Variants in FAM78B observed in about 807,000 individuals in gnomAD.
FAM78B encodes the protein protein FAM78B.
Under a neutral mutation model 20.0 loss-of-function variants are expected in FAM78B, and 10 were observed. That is an observed-to-expected ratio of 0.50 (90% CI 0.31 to 0.85). The LOEUF (loss-of-function observed/expected upper bound fraction) is 0.85, where lower values mean the gene tolerates loss of function less well. Among genes scored for constraint, FAM78B ranks in the 40% least tolerant of loss-of-function variants. The pLI is 0.05. For missense variants in FAM78B, 283 were observed against 345.0 expected (o/e 0.82, Z 1.42); for synonymous variants, 135 against 132.8 (o/e 1.02, Z -0.12).
At chr1:166,141,207 T>C (rs769133167) in intron 1 of FAM78B, among the ~76,000 whole-genome samples, 6 of 152,200 alleles carry the variant, frequency 3.9e-5, no homozygotes, top group Non-Finnish European at 7.3e-5. Context: ...GACAGCAATG[T>C]GCAACGTACA....
At chr1:166,145,922 G>C (rs1557916736) in intron 1 of FAM78B, among the ~76,000 whole-genome samples, 2 of 152,144 alleles carry the variant, frequency 1.3e-5, no homozygotes, top group South Asian at 2.1e-4. Context: ...TAAGTTATTG[G>C]TCTAAAATTC....
chr1:166,117,484 AGCT>A (rs1253626471), intron 1 of FAM78B, among the ~76,000 whole-genome samples: 2 of 152,156 alleles, frequency 1.3e-5, no homozygotes, highest in African/African-American at 4.8e-5. Context: ...CATCAGCAGA[AGCT>A]GCTATTTCTC....
At chr1:166,081,835 A>C (rs1254003771) in intron 1 of FAM78B, among the ~76,000 whole-genome samples, 2 of 152,178 alleles carry the variant, frequency 1.3e-5, no homozygotes, top group African/African-American at 4.8e-5. Flanking sequence ...ATGAGGGGGA[A>C]TCGATGTGGG....
chr1:166,126,126 GC>G (rs766634380), intron 1 of FAM78B, among the ~76,000 whole-genome samples: 19 of 152,246 alleles, frequency 1.2e-4, no homozygotes, highest in Non-Finnish European at 2.4e-4. Flanking sequence ...GAGCCACTGT[GC>G]CCGGCCTATT....
At chr1:166,122,830 T>C (rs536305011) in intron 1 of FAM78B, among the ~76,000 whole-genome samples, 1 of 152,342 alleles carries the variant, frequency 6.6e-6, no homozygotes, top group South Asian at 2.1e-4. Flanking sequence ...TCTTTGGCCA[T>C]TTCCACCTTC....
At chr1:166,124,887 C>A (rs1251999840) in intron 1 of FAM78B, among the ~76,000 whole-genome samples, 1 of 152,220 alleles carries the variant, frequency 6.6e-6, no homozygotes, top group Non-Finnish European at 1.5e-5. Context: ...TGCATCCTGG[C>A]AGACCTGGTG....
chr1:166,131,734 T>G (rs771089186), intron 1 of FAM78B, among the ~76,000 whole-genome samples: 1 of 152,018 alleles, frequency 6.6e-6, no homozygotes, highest in Admixed American at 6.6e-5. Context: ...TAGAAGAAAA[T>G]AGTAAACATA....
At chr1:166,093,779 A>G (rs982723486) in intron 1 of FAM78B, among the ~76,000 whole-genome samples, 2 of 152,028 alleles carry the variant, frequency 1.3e-5, no homozygotes, top group African/African-American at 4.8e-5. Context: ...AAAGCAATAA[A>G]ATTCGCAGTT....
chr1:166,076,647 A>G (rs1046169795), intron 1 of FAM78B, among the ~76,000 whole-genome samples: 1 of 152,118 alleles, frequency 6.6e-6, no homozygotes, highest in African/African-American at 2.4e-5. Context: ...TAAGGCAAGG[A>G]TTTTTATATA....
At chr1:166,143,091 T>G (rs756243934) in intron 1 of FAM78B, among the ~76,000 whole-genome samples, 1 of 152,222 alleles carries the variant, frequency 6.6e-6, no homozygotes, top group Non-Finnish European at 1.5e-5. Context: ...ATGTCTCAAT[T>G]TCCTCATCTT....
At chr1:166,129,083 C>T (rs1237299601) in intron 1 of FAM78B, among the ~76,000 whole-genome samples, 1 of 152,164 alleles carries the variant, frequency 6.6e-6, no homozygotes, top group African/African-American at 2.4e-5. Flanking sequence ...CTGCTCACAT[C>T]CTCAAGAGTC....
At chr1:166,118,445 T>C (rs1654341504) in intron 1 of FAM78B, among the ~76,000 whole-genome samples, 1 of 152,166 alleles carries the variant, frequency 6.6e-6, no homozygotes. Flanking sequence ...CACTAATAGG[T>C]TTTGTCTTCA....
chr1:166,145,933 T>G (rs1655436474), intron 1 of FAM78B, among the ~76,000 whole-genome samples: 1 of 152,214 alleles, frequency 6.6e-6, no homozygotes, highest in African/African-American at 2.4e-5. Flanking sequence ...TCTAAAATTC[T>G]CTTTTTTTTA....
intron 1 of FAM78B, among the ~76,000 whole-genome samples, chr1:166,113,950 A>G (rs939749589): frequency 1.9e-4 from 29 of 152,352 alleles, no homozygotes; most frequent in African/African-American, 6.7e-4. Context: ...CACAGGTCAA[A>G]AGAAAGCAGC....
At chr1:166,157,415 C>G (rs1252023191) in intron 1 of FAM78B, among the ~76,000 whole-genome samples, 1 of 151,130 alleles carries the variant, frequency 6.6e-6, no homozygotes, top group Non-Finnish European at 1.5e-5. Context: ...AAGGGACCTG[C>G]CAAAGGTCAT....
At chr1:166,072,410 G>A (rs6658683) in intron 1 of FAM78B, among the ~76,000 whole-genome samples, 4,400 of 152,290 alleles carry the variant, frequency 0.029, 95 homozygotes, top group Non-Finnish European at 0.043. Flanking sequence ...CAGACACTAA[G>A]TAAGGAATTG....
intron 1 of FAM78B, among the ~76,000 whole-genome samples, chr1:166,130,698 T>A (rs1025819218): frequency 4.6e-5 from 7 of 152,174 alleles, no homozygotes; most frequent in Non-Finnish European, 7.3e-5. Context: ...TTAAAATAAG[T>A]ATTATTAATC....
At chr1:166,109,842 A>ATATATATATATATATATATATATATG (rs1653944684) in intron 1 of FAM78B, among the ~76,000 whole-genome samples, 1 of 25,834 alleles carries the variant, frequency 3.9e-5, no homozygotes, top group South Asian at 2.1e-3. Context: ...GTATATATGT[A>ATATATATATATATATATATATATATG]TATATATATA....
chr1:166,139,099 A>T (rs114382493), intron 1 of FAM78B, among the ~76,000 whole-genome samples: 2,444 of 152,234 alleles, frequency 0.016, 69 homozygotes, highest in African/African-American at 0.056. Flanking sequence ...GACACCAGAA[A>T]TTTTTCTAGC....
Sources: gnomAD v4.1 joint callset for allele counts (sites outside exome capture counted in the v4.1 genomes callset) on GRCh38, gnomAD v4.1.1 for gene constraint, MANE v1.5 for transcripts, NCBI Gene and HGNC (gene_info 2026-07-23, HGNC 2026-07-21) for gene names.